POLN: variants seen among roughly 807,000 people sequenced by gnomAD.
POLN encodes the protein DNA polymerase nu, also known as DNA polymerase N.
POLN carries 108 observed loss-of-function variants against 113.5 expected under a neutral mutation model. That is an observed-to-expected ratio of 0.95 (90% CI 0.81 to 1.12). POLN has a LOEUF of 1.12. Ranked by LOEUF, POLN falls within the 50% of genes most tolerant of loss-of-function variation. The probability of loss-of-function intolerance (pLI) is 0.00; values close to 1 mark genes in which losing one functional copy is unlikely to be tolerated. For synonymous variants in POLN, 386 were observed against 391.5 expected, an observed-to-expected ratio of 0.99 and a Z score of 0.17; for missense variants, 1,097 against 1,077.1, an observed-to-expected ratio of 1.02 and a Z score of -0.26.
chr4:2,154,198 CAAAAAAAAAAAAAAA>C (rs58879582), intron 16 of POLN, among the ~76,000 whole-genome samples: 1 of 63,908 alleles, frequency 1.6e-5, no homozygotes, highest in African/African-American at 7.8e-5. Context: ...TCCATCTCAA[CAAAAAAAAAAAAAAA>C]AAAAAAAAAA....
chr4:2,137,594 CCCTCTG>C (rs1368962175), intron 16 of POLN, among the ~76,000 whole-genome samples: 1 of 152,116 alleles, frequency 6.6e-6, no homozygotes, highest in Non-Finnish European at 1.5e-5. Context: ...ATGGGCAGCC[CCCTCTG>C]CCTGCTCCTC....
chr4:2,139,787 A>G (rs773564103), intron 16 of POLN: 2 of 152,224 alleles, frequency 1.3e-5, no homozygotes, highest in Non-Finnish European at 2.9e-5. Flanking sequence ...TAACATGGCA[A>G]CAACGTAAAG....
chr4:2,097,904 T>A (rs549164701), intron 19 of POLN, among the ~76,000 whole-genome samples: 1 of 152,328 alleles, frequency 6.6e-6, no homozygotes, highest in African/African-American at 2.4e-5. Context: ...TTTTGTTAGA[T>A]TTTTCAATGT....
At chr4:2,116,421 C>T (rs1731319442) in intron 19 of POLN, among the ~76,000 whole-genome samples, 1 of 152,100 alleles carries the variant, frequency 6.6e-6, no homozygotes, top group Non-Finnish European at 1.5e-5. Flanking sequence ...GCTATATCAC[C>T]AGCTCTCTGA....
chr4:2,200,379 C>G (rs188233129), intron 5 of POLN, among the ~76,000 whole-genome samples: 4 of 152,138 alleles, frequency 2.6e-5, no homozygotes, highest in Non-Finnish European at 4.4e-5. Context: ...AGGCTTGCAT[C>G]GTGAACTTTT....
chr4:2,098,440 C>T (rs1275049532), intron 19 of POLN, among the ~76,000 whole-genome samples: 2 of 152,090 alleles, frequency 1.3e-5, no homozygotes, highest in Non-Finnish European at 2.9e-5. Flanking sequence ...AACTACATGA[C>T]ATTTTTGTAG....
intron 7 of POLN, among the ~76,000 whole-genome samples, chr4:2,188,479 T>TTCATAACTGTTGTTATGAAC (rs1733338521): frequency 6.6e-6 from 1 of 152,044 alleles, no homozygotes. Context: ...CGGGCGCCTG[T>TTCATAACTGTTGTTATGAAC]AGTCCCAGCT....
intron 24 of POLN, 64 bp from the exon 25 acceptor site, chr4:2,073,093 A>AT (rs1190968424): frequency 6.5e-7 from 1 of 1,545,060 alleles, no homozygotes; most frequent in Non-Finnish European, 8.9e-7. Flanking sequence ...GGAGCCGAAG[A>AT]TAAGAGAACT....
chr4:2,151,226 T>C (rs940398933), intron 16 of POLN, among the ~76,000 whole-genome samples: 1 of 152,128 alleles, frequency 6.6e-6, no homozygotes, highest in Admixed American at 6.5e-5. Flanking sequence ...CTCTCAGCAG[T>C]AGTGATCAGG....
At chr4:2,147,894 C>T (rs1264601267) in intron 16 of POLN, among the ~76,000 whole-genome samples, 1 of 152,122 alleles carries the variant, frequency 6.6e-6, no homozygotes, top group Non-Finnish European at 1.5e-5. Context: ...CTGCCTACCT[C>T]AGCCTCCCAA....
intron 7 of POLN, among the ~76,000 whole-genome samples, chr4:2,183,998 C>T (rs1330636820): frequency 2.6e-5 from 4 of 151,448 alleles, no homozygotes; most frequent in Admixed American, 6.6e-5. Flanking sequence ...GAACTACAGG[C>T]GCACGCCATC....
intron 3 of POLN, 165 bp downstream of exon 3, chr4:2,228,934 A>T: frequency 1.9e-6 from 1 of 538,476 alleles, no homozygotes; most frequent in Non-Finnish European, 3.2e-6. Context: ...AGGTTAAGGG[A>T]ACACGAAAGT....
At chr4:2,231,088 A>T (rs976167687) in intron 2 of POLN, 1 of 152,142 alleles carries the variant, frequency 6.6e-6, no homozygotes, top group Admixed American at 6.5e-5. Context: ...CAGAATTCAG[A>T]CTCTAAAATG....
At chr4:2,189,076 T>C (rs1733367685) in intron 7 of POLN, among the ~76,000 whole-genome samples, 1 of 152,054 alleles carries the variant, frequency 6.6e-6, no homozygotes, top group South Asian at 2.1e-4. Context: ...AAACCTATAA[T>C]AAATACACAC....
At chr4:2,095,958 G>T (rs1246154105) in intron 19 of POLN, 25 bp from the exon 20 acceptor site, 1 of 1,607,720 alleles carries the variant, frequency 6.2e-7, no homozygotes, top group South Asian at 1.1e-5. Context: ...CATGTGTGAA[G>T]TTCAGGCACA....
In POLN at chr4:2,129,276, G is replaced by A. The variant is rs1731663323; in HGVS notation, c.1790-20C>T. On this transcript the variant is annotated intron_variant, in intron 17 of 25. Transcript: ENST00000511885. ...CTTTACCTGAATTGTTATTTCAAGA[G>A]CATTTAGTGAATTTGGTCATGAACT... 6.6e-7 allele frequency: 1 copy of A among 1,523,632 alleles called. No individual in the cohort carries two copies. Among genetic ancestry groups the A allele is most frequent in the Admixed American group, 1.7e-5 (1 of 59,796 alleles). The allele number at this position is 1,523,632 out of a possible 1,614,324, so 94.4% of individuals were successfully genotyped here. A position where few individuals can be genotyped will look rare whatever the true frequency, so the allele number is the denominator to read the frequency against.
chr4:2,137,464 A>C (rs1731884726), intron 16 of POLN, among the ~76,000 whole-genome samples: 1 of 152,230 alleles, frequency 6.6e-6, no homozygotes, highest in Admixed American at 6.5e-5. Context: ...CTGCTATGGC[A>C]CCTGAGCCAG....
chr4:2,236,362 T>C (rs1255081339), intron 2 of POLN: 2 of 1,613,234 alleles, frequency 1.2e-6, no homozygotes, highest in African/African-American at 1.3e-5. Flanking sequence ...ACTAAAGAAA[T>C]ATTCTGTTTC....
chr4:2,161,934 G>T (rs1218750094), intron 13 of POLN, among the ~76,000 whole-genome samples: 1 of 152,110 alleles, frequency 6.6e-6, no homozygotes, highest in African/African-American at 2.4e-5. Flanking sequence ...TGGACACTCT[G>T]TATCTAGCTA....
Sources: gnomAD v4.1 joint callset for allele counts (sites outside exome capture counted in the v4.1 genomes callset) on GRCh38, gnomAD v4.1.1 for gene constraint, MANE v1.5 for transcripts, NCBI Gene and HGNC (gene_info 2026-07-23, HGNC 2026-07-21) for gene names.